Variants in ANK2 observed in about 807,000 individuals in gnomAD.
ANK2 encodes the protein ankyrin 2.
In ANK2, 83 loss-of-function variants were observed where a neutral mutation model predicts 360.5. The ratio of observed to expected loss-of-function variants is 0.23; its 90% CI spans 0.19 to 0.28. The LOEUF (loss-of-function observed/expected upper bound fraction) is 0.28. Ranked by LOEUF, ANK2 falls within the 10% of genes least tolerant of loss-of-function variation. The pLI is 1.00. For synonymous variants in ANK2, 1,740 were observed against 1,759.5 expected, an observed-to-expected ratio of 0.99 and a Z score of 0.28; for missense variants, 4,201 against 4,795.7, an observed-to-expected ratio of 0.88 and a Z score of 3.66.
the ANK2 span, among the ~76,000 whole-genome samples, chr4:112,749,327 A>T: frequency 6.6e-6 from 1 of 152,240 alleles, no homozygotes; most frequent in African/African-American, 2.4e-5. Flanking sequence ...GAAAAGCCTG[A>T]GTCTCAAGAG....
intron 43 of ANK2, among the ~76,000 whole-genome samples, chr4:113,371,369 T>G (rs564202453): frequency 6.6e-6 from 1 of 152,352 alleles, no homozygotes; most frequent in African/African-American, 2.4e-5. Context: ...CATAGAATTA[T>G]TCATCTCTCA....
chr4:113,079,697 G>A (rs1206040152), intron 1 of ANK2, among the ~76,000 whole-genome samples: 1 of 147,072 alleles, frequency 6.8e-6, no homozygotes, highest in Admixed American at 6.9e-5. Context: ...GAATCAATGT[G>A]TCATTATGGA....
the ANK2 span, among the ~76,000 whole-genome samples, chr4:112,782,556 C>T: frequency 3.3e-5 from 5 of 151,990 alleles, no homozygotes; most frequent in East Asian, 9.7e-4. Flanking sequence ...TTTTTATCCC[C>T]ATGCTACAGG....
intron 1 of ANK2, among the ~76,000 whole-genome samples, chr4:112,841,930 T>C (rs1313261701): frequency 6.6e-6 from 1 of 152,228 alleles, no homozygotes; most frequent in African/African-American, 2.4e-5. Context: ...AAATAATATG[T>C]GCTTCTTATT....
At position 113,011,475 on chromosome 4, in the gene ANK2, A is replaced by G. The variant is rs374696810; in HGVS notation, c.21+106961A>G. ...GAAATGAAGACCCAAAGAAGCAGTT[A>G]GAATTGAATGCTTATATACAGAATT... On this transcript the variant is annotated intron_variant, in intron 2 of 30. Transcript: ENST00000503271. Among the ~76,000 whole-genome samples, 10 of 152,278 alleles carry G rather than the reference A, an allele frequency of 6.6e-5. 1 individual carries two copies. Among genetic ancestry groups the G allele is most frequent in the South Asian group, 6.2e-4 (3 of 4,830 alleles).
chr4:113,055,321 A>G (rs1202086739), intron 1 of ANK2, among the ~76,000 whole-genome samples: 3 of 152,148 alleles, frequency 2.0e-5, no homozygotes, highest in Non-Finnish European at 2.9e-5. Context: ...CCAACCCCCG[A>G]GGGTGAGGTC....
intron 26 of ANK2, chr4:113,323,636 G>A (rs71604969): frequency 2.1e-5 from 19 of 910,898 alleles, no homozygotes; most frequent in Non-Finnish European, 2.7e-5. Flanking sequence ...ATCTCATTTG[G>A]ATTTCCATTT....
At chr4:113,118,541 T>A (rs1219010842) in intron 1 of ANK2, among the ~76,000 whole-genome samples, 1 of 152,216 alleles carries the variant, frequency 6.6e-6, no homozygotes, top group Non-Finnish European at 1.5e-5. Context: ...TTCAGTTTAC[T>A]ACTTATCTCA....
intron 2 of ANK2, among the ~76,000 whole-genome samples, chr4:112,958,922 C>T (rs974501049): frequency 3.4e-4 from 51 of 151,764 alleles, no homozygotes; most frequent in African/African-American, 1.1e-3. Flanking sequence ...GATCTTGGCT[C>T]ACTGCAACTT....
chr4:113,270,036 G>T (rs1331930194), intron 14 of ANK2, among the ~76,000 whole-genome samples: 2 of 152,042 alleles, frequency 1.3e-5, no homozygotes, highest in African/African-American at 4.8e-5. Context: ...TCAACCATGA[G>T]CTTCCCCTGC....
intron 10 of ANK2, among the ~76,000 whole-genome samples, chr4:113,251,875 T>C (rs1238089341): frequency 6.6e-6 from 1 of 151,592 alleles, no homozygotes; most frequent in African/African-American, 2.4e-5. Context: ...ATGTATAGGG[T>C]AATAAACACA....
intron 1 of ANK2, among the ~76,000 whole-genome samples, chr4:112,901,822 G>T (rs1234232003): frequency 6.6e-6 from 1 of 150,718 alleles, no homozygotes; most frequent in African/African-American, 2.4e-5. Flanking sequence ...CCAAGATCAT[G>T]CCACTGCACT....
the ANK2 span, among the ~76,000 whole-genome samples, chr4:112,785,416 C>G: frequency 6.6e-6 from 1 of 151,904 alleles, no homozygotes; most frequent in Non-Finnish European, 1.5e-5. Context: ...CTCTGTCACC[C>G]AGGCTGGAGT....
intron 13 of ANK2, among the ~76,000 whole-genome samples, chr4:113,258,773 T>C (rs763777615): frequency 1.3e-5 from 2 of 152,220 alleles, no homozygotes; most frequent in Non-Finnish European, 2.9e-5. Flanking sequence ...TCAACCTAGT[T>C]GCTTGAGGGA....
chr4:113,231,845 C>T (rs1340151638), intron 4 of ANK2, among the ~76,000 whole-genome samples: 2 of 152,168 alleles, frequency 1.3e-5, no homozygotes, highest in African/African-American at 4.8e-5. Flanking sequence ...CATGATCCAC[C>T]CGCCTCAGAC....
intron 1 of ANK2, among the ~76,000 whole-genome samples, chr4:113,153,309 G>A (rs2097161651): frequency 6.6e-6 from 1 of 152,078 alleles, no homozygotes; most frequent in African/African-American, 2.4e-5. Flanking sequence ...TGCTACTTTT[G>A]TGTCATACCT....
intron 1 of ANK2, chr4:113,160,275 G>A (rs2097476653): frequency 7.8e-6 from 3 of 384,874 alleles, no homozygotes; most frequent in Non-Finnish European, 1.5e-5. Flanking sequence ...ATGTTGTCAA[G>A]GCTGGTCTCA....
chr4:112,782,594 C>T, the ANK2 span, among the ~76,000 whole-genome samples: 20 of 152,024 alleles, frequency 1.3e-4, no homozygotes, highest in East Asian at 1.2e-3. Flanking sequence ...AGGCTGGGCT[C>T]GGTGGCTCAC....
chr4:113,067,267 A>T (rs1437695351), intron 1 of ANK2, among the ~76,000 whole-genome samples: 1 of 152,148 alleles, frequency 6.6e-6, no homozygotes. Context: ...TGTAGGAAGA[A>T]TAGGGAAATT....
Sources: gnomAD v4.1 joint callset for allele counts (sites outside exome capture counted in the v4.1 genomes callset) on GRCh38, gnomAD v4.1.1 for gene constraint, MANE v1.5 for transcripts, NCBI Gene and HGNC (gene_info 2026-07-23, HGNC 2026-07-21) for gene names.